PDIA3: variants seen among roughly 807,000 people sequenced by gnomAD.
The protein encoded by PDIA3 is protein disulfide-isomerase A3.
Under a neutral mutation model 56.9 loss-of-function variants are expected in PDIA3, and 16 were observed. That is an observed-to-expected ratio of 0.28 (90% confidence interval 0.19 to 0.43). The LOEUF (loss-of-function observed/expected upper bound fraction) is 0.43. Ranked by LOEUF, PDIA3 falls within the 20% of genes least tolerant of loss-of-function variation. The pLI is 1.00. For missense variants in PDIA3, 485 were observed against 621.3 expected (o/e 0.78, Z 2.33); for synonymous variants, 192 against 216.5 (o/e 0.89, Z 0.99).
rs1203722535 is a variant in PDIA3, at chr15:43,766,891, G to A, written c.1009G>A (p.Val337Ile). Residue 337 changes from valine to isoleucine, a missense_variant, in exon 8 of 13, where the codon GTC becomes ATC. By Grantham distance (29) the Val-to-Ile change is conservative. Coordinates refer to ENST00000300289, the MANE Select transcript of PDIA3 (RefSeq NM_005313.5). ...CAGAACTGCTAAAGGAGAGAAGTTT[G>A]TCATGCAGGAGGAGTTCTCGTGAGT... The part of the protein sequence containing the change: ...AIRTAKGEKF[V>I]MQEEFSRDGK... 1.2e-6 allele frequency: 2 copies of A among 1,614,050 alleles called. No homozygotes were observed. The highest frequency in any genetic ancestry group is 2.2e-5 in the South Asian group (2 of 91,084).
Position 43,771,105 on chromosome 15 carries a change from G to A in PDIA3, c.1405G>A (p.Gly469Ser). 2.5e-6 allele frequency: 4 copies of A among 1,602,260 alleles called. No homozygotes were observed. Among genetic ancestry groups the A allele is most frequent in the South Asian group, 2.2e-5 (2 of 90,588 alleles). Residue 469 changes from glycine (G) to serine (S), a missense_variant and splice_region_variant, in exon 13 of 13, where the codon GGT becomes AGT. By Grantham distance (56) the Gly-to-Ser change is moderately conservative. Coordinates refer to ENST00000300289, the MANE Select transcript of PDIA3 (RefSeq NM_005313.5). ...TTTAAGCTGATCTTTCTGTTTTCAGGGTGGCCGTGAATTAAGTGATTTTAT... is the reference window on the plus strand; with the variant it reads ...TTTAAGCTGATCTTTCTGTTTTCAGAGTGGCCGTGAATTAAGTGATTTTAT... ...NKKLNPKKYE[G>S]GRELSDFISY...
intron 8 of PDIA3, 137 bp from the exon 9 acceptor site, chr15:43,768,352 T>C (rs1363863081): frequency 8.3e-6 from 5 of 600,212 alleles, no homozygotes; most frequent in Non-Finnish European, 1.5e-5. Flanking sequence ...TCGGTAGTTC[T>C]GCATATTGAG....
chr15:43,764,931 T>C (rs1319768724), intron 5 of PDIA3, among the ~76,000 whole-genome samples: 5 of 152,202 alleles, frequency 3.3e-5, no homozygotes, highest in African/African-American at 1.2e-4. Flanking sequence ...ACCCAAAATT[T>C]AGTAAACCCT....
chr15:43,762,815 G>T (rs1460084120), intron 4 of PDIA3, among the ~76,000 whole-genome samples: 2 of 152,126 alleles, frequency 1.3e-5, no homozygotes, highest in Non-Finnish European at 2.9e-5. Context: ...GCCCAAATTT[G>T]TTCAATTATG....
In PDIA3 at chr15:43,772,534, G is replaced by C. The variant is rs1244111196; in HGVS notation, c.*1316G>C. 1 of 152,250 alleles carries C rather than the reference G, an allele frequency of 6.6e-6. No individual in the cohort carries two copies. The highest frequency in any genetic ancestry group is 2.4e-5 in the African/African-American group (1 of 41,480). 9.4% of individuals were successfully genotyped at this position (152,250 alleles called of 1,614,324 possible). ...TTTAGAGAGCCCCAAAAGTGGCTCA[G>C]ATGTAAAGCCAGGGTTAAGAACCAT... On this transcript the variant is annotated 3_prime_UTR_variant, in exon 13 of 13. Coordinates refer to ENST00000300289, the MANE Select transcript of PDIA3 (RefSeq NM_005313.5).
chr15:43,747,836 C>T (rs1174943371), intron 1 of PDIA3, among the ~76,000 whole-genome samples: 2 of 152,084 alleles, frequency 1.3e-5, no homozygotes, highest in African/African-American at 2.4e-5. Flanking sequence ...CGAAAAAAGT[C>T]CTGTAGTAAA....
At chr15:43,748,854 C>T (rs1272761801) in intron 1 of PDIA3, among the ~76,000 whole-genome samples, 13 of 151,718 alleles carry the variant, frequency 8.6e-5, no homozygotes, top group Admixed American at 2.0e-4. Context: ...CTGCAACCTC[C>T]GCCTCTTGGG....
chr15:43,748,410 A>G (rs1036357183), intron 1 of PDIA3, among the ~76,000 whole-genome samples: 6 of 152,150 alleles, frequency 3.9e-5, no homozygotes, highest in African/African-American at 1.4e-4. Context: ...CCCAGGAAGC[A>G]GAGGCTGCAG....
chr15:43,756,900 G>A, intron 3 of PDIA3, 134 bp downstream of exon 3: 3 of 559,828 alleles, frequency 5.4e-6, no homozygotes, highest in Non-Finnish European at 6.4e-6. Flanking sequence ...TCAGTTTGGT[G>A]GTAACAAAAG....
chr15:43,753,894 T>G lies in PDIA3; in HGVS notation c.238T>G (p.Leu80Val), dbSNP rs749870902. The change falls in exon 2 of 13, where the codon TTA (leucine) becomes GTA (valine). Residue 80 changes from leucine to valine, a missense_variant. Transcript: ENST00000300289. Reference sequence around the variant, plus strand: ...TACCAGATTAAAAGGAATAGTCCCATTAGCAAAGGTAAGTACAGGTGGATT... The same window carrying G: ...TACCAGATTAAAAGGAATAGTCCCAGTAGCAAAGGTAAGTACAGGTGGATT... ...AATRLKGIVP[L>V]AKVDCTANTN... The G allele has an allele frequency of 2.5e-6, 4 of 1,610,328 alleles. No individual in the cohort carries two copies. In the East Asian group the frequency reaches 6.7e-5, roughly 27 times the overall value.
intron 1 of PDIA3, among the ~76,000 whole-genome samples, chr15:43,749,962 G>C (rs1344982304): frequency 6.6e-6 from 1 of 151,418 alleles, no homozygotes; most frequent in Admixed American, 6.6e-5. Flanking sequence ...AAAGTAAAAT[G>C]GGCTTTTTTT....
At chr15:43,763,486 C>T (rs1354635458) in intron 5 of PDIA3, among the ~76,000 whole-genome samples, 1 of 152,194 alleles carries the variant, frequency 6.6e-6, no homozygotes, top group Non-Finnish European at 1.5e-5. Context: ...TTCCTGGCCT[C>T]AAGTGTTCCA....
In PDIA3 at chr15:43,771,926, G is replaced by C; in HGVS notation, c.*708G>C. The C allele has an allele frequency of 3.5e-6, 1 of 282,500 alleles. No homozygotes were observed. The highest frequency in any genetic ancestry group is 6.5e-6 in the Non-Finnish European group (1 of 152,896). 17.5% of individuals were successfully genotyped at this position (282,500 alleles called of 1,614,324 possible). On this transcript the variant is annotated 3_prime_UTR_variant, in exon 13 of 13. Transcript: ENST00000300289. ...GGTTCCTGTTTATCCTTGCCACGCA[G>C]CTGAGCTTACTGCATGTTTATATCT... is the stretch of plus-strand genomic sequence containing the variant.
At chr15:43,760,675 G>A (rs1355091957) in intron 3 of PDIA3, among the ~76,000 whole-genome samples, 3 of 151,004 alleles carry the variant, frequency 2.0e-5, no homozygotes, top group South Asian at 2.1e-4. Context: ...GACCACAGGC[G>A]CCCGCCACCA....
rs1237141804 is a variant in PDIA3 at position 43,746,596 on chromosome 15, C to T, written c.57C>T (p.Ala19=). The T allele has an allele frequency of 6.2e-6, 10 of 1,611,964 alleles. No individual in the cohort carries two copies. Among genetic ancestry groups the T allele is most frequent in the East Asian group, 2.2e-5 (1 of 44,866 alleles). Residue 19 remains alanine, a synonymous_variant, in exon 1 of 13, where the codon GCC becomes GCT. Transcript: ENST00000300289. ...GTGTGGCGCTGCTTCTTGCCGCGGC[C>T]CGCCTCGCCGCTGCCTCCGACGTGC... ...FPGVALLLAA[A]RLAAASDVLE...
At chr15:43,770,448 T>C in intron 11 of PDIA3, 75 bp from the exon 12 acceptor site, 1 of 1,353,518 alleles carries the variant, frequency 7.4e-7, no homozygotes, top group South Asian at 1.2e-5. Flanking sequence ...GAACCACTGA[T>C]TCCTTCTTGG....
At chr15:43,757,457 C>G (rs990862665) in intron 3 of PDIA3, among the ~76,000 whole-genome samples, 1 of 151,672 alleles carries the variant, frequency 6.6e-6, no homozygotes, top group African/African-American at 2.4e-5. Context: ...GCTCGGGAGG[C>G]TGAGGCAGGA....
chr15:43,761,235 C>G (rs1454223912), intron 3 of PDIA3, among the ~76,000 whole-genome samples, 189 bp from the exon 4 acceptor site: 1 of 90,536 alleles, frequency 1.1e-5, no homozygotes. Flanking sequence ...GAGCGAGACT[C>G]TGTCTCAAAA....
Position 43,770,555 on chromosome 15 carries a change from A to G in PDIA3, c.1379A>G (p.Lys460Arg), listed in dbSNP as rs1017280334. The G allele has an allele frequency of 5.6e-6, 9 of 1,611,894 alleles. No homozygotes were observed. The highest frequency in any genetic ancestry group is 1.7e-5 in the Admixed American group (1 of 60,004). The part of the protein sequence containing the change: ...FPTIYFSPAN[K>R]KLNPKKYEGG... ...ACCATATACTTCTCTCCAGCCAACA[A>G]GAAGCTAAATCCAAAGAAATATGAA... The change falls in exon 12 of 13, where the codon AAG (lysine) becomes AGG (arginine). Residue 460 changes from lysine (K) to arginine (R), a missense_variant. Physicochemically the swap from Lys to Arg is conservative, Grantham distance 26. Coordinates refer to ENST00000300289, the MANE Select transcript of PDIA3 (RefSeq NM_005313.5).
Sources: gnomAD v4.1 joint callset for allele counts (sites outside exome capture counted in the v4.1 genomes callset) on GRCh38, gnomAD v4.1.1 for gene constraint, MANE v1.5 for transcripts, NCBI Gene and HGNC (gene_info 2026-07-23, HGNC 2026-07-21) for gene names.